FAM227B: variants seen among roughly 807,000 people sequenced by gnomAD.
FAM227B encodes the protein protein FAM227B.
FAM227B carries 88 observed loss-of-function variants against 73.8 expected under a neutral mutation model. The observed-to-expected ratio is 1.19, with a 90% CI of 1.00 to 1.42. The LOEUF (loss-of-function observed/expected upper bound fraction) is 1.42, where lower values mean the gene tolerates loss of function less well. Among genes scored for constraint, FAM227B ranks in the 40% most tolerant of loss-of-function variants. The probability of loss-of-function intolerance (pLI) is 0.00; values close to 1 mark genes in which losing one functional copy is unlikely to be tolerated. For synonymous variants in FAM227B, 210 were observed against 190.5 expected, an observed-to-expected ratio of 1.10 and a Z score of -0.84; for missense variants, 632 against 590.9, an observed-to-expected ratio of 1.07 and a Z score of -0.72.
At chr15:49,430,648 T>C (rs2050526634) in intron 11 of FAM227B, among the ~76,000 whole-genome samples, 1 of 151,866 alleles carries the variant, frequency 6.6e-6, no homozygotes, top group Admixed American at 6.6e-5. Flanking sequence ...TGTCATTCCA[T>C]GGTGGAAGGT....
chr15:49,503,483 C>A (rs1405930599), intron 11 of FAM227B, among the ~76,000 whole-genome samples: 1 of 152,166 alleles, frequency 6.6e-6, no homozygotes, highest in African/African-American at 2.4e-5. Flanking sequence ...TCACAGTGAA[C>A]AGGCAACCTA....
In FAM227B at chr15:49,336,055, G is replaced by C. The variant is rs530114651; in HGVS notation, c.1272-559C>G. 6.4e-4 allele frequency among the ~76,000 whole-genome samples: 98 copies of C among 152,228 alleles called. 1 individual carries two copies. Among genetic ancestry groups the C allele is most frequent in the African/African-American group, 2.3e-3 (97 of 41,548 alleles). On this transcript the variant is annotated intron_variant, in intron 13 of 15. Coordinates refer to ENST00000299338, the MANE Select transcript of FAM227B (RefSeq NM_152647.3). ...ACTCCTGGGCTCTAGCAATCCTCCT[G>C]CCTTGGCCTCCCAAAGTATTGGGAT...
Position 49,396,409 on chromosome 15 carries a change from G to C in FAM227B, c.1013-25010C>G, listed in dbSNP as rs1054965563. The C allele has an allele frequency of 5.0e-4, 102 of 203,940 alleles. 1 individual carries two copies. The highest frequency in any genetic ancestry group is 1.5e-3 in the East Asian group (9 of 5,868). 12.6% of individuals were successfully genotyped at this position (203,940 alleles called of 1,614,324 possible). A position where few individuals can be genotyped will look rare whatever the true frequency, so the allele number is the denominator to read the frequency against. The stretch of plus-strand genomic sequence containing the variant: ...TGAGATCAAACTGCAAGGCGGCAGC[G>C]AGGCTGGGGGAGGGGCGCCCGCCAT... On this transcript the variant is annotated intron_variant, in intron 11 of 15. Coordinates refer to ENST00000299338, the MANE Select transcript of FAM227B (RefSeq NM_152647.3).
intron 13 of FAM227B, among the ~76,000 whole-genome samples, chr15:49,351,029 A>G (rs1250333358): frequency 6.6e-6 from 1 of 152,194 alleles, no homozygotes; most frequent in Non-Finnish European, 1.5e-5. Context: ...GCCAGTGCAT[A>G]ACCTACTCAA....
chr15:49,526,985 T>C (rs1042227757), intron 10 of FAM227B, among the ~76,000 whole-genome samples: 5 of 151,922 alleles, frequency 3.3e-5, no homozygotes, highest in African/African-American at 7.2e-5. Flanking sequence ...TTCAATCTTA[T>C]TGAAACTACT....
intron 7 of FAM227B, 74 bp downstream of exon 7, chr15:49,576,667 C>A: frequency 1.1e-6 from 1 of 878,554 alleles, no homozygotes; most frequent in East Asian, 2.6e-5. Context: ...TTTATCATAG[C>A]TTTAAGTAAA....
At chr15:49,558,120 CCTAAT>C (rs1555540846) in intron 9 of FAM227B, among the ~76,000 whole-genome samples, 1 of 151,724 alleles carries the variant, frequency 6.6e-6, no homozygotes, top group Non-Finnish European at 1.5e-5. Flanking sequence ...GCTCCTAATG[CCTAAT>C]GCCCCAACTT....
At chr15:49,558,501 T>C (rs973096760) in intron 9 of FAM227B, among the ~76,000 whole-genome samples, 11 of 152,156 alleles carry the variant, frequency 7.2e-5, no homozygotes, top group Non-Finnish European at 1.6e-4. Flanking sequence ...ATAGCCACCC[T>C]TACCCTACTT....
intron 11 of FAM227B, among the ~76,000 whole-genome samples, chr15:49,432,536 G>A (rs1025798545): frequency 1.5e-4 from 22 of 151,604 alleles, no homozygotes; most frequent in African/African-American, 5.1e-4. Context: ...TGGTTTGGGT[G>A]GAATATTTAA....
intron 13 of FAM227B, among the ~76,000 whole-genome samples, chr15:49,344,980 T>C (rs1159977682): frequency 6.6e-6 from 1 of 152,222 alleles, no homozygotes; most frequent in African/African-American, 2.4e-5. Flanking sequence ...AAAGTATAAA[T>C]GGTGTTGAGC....
At chr15:49,426,634 G>C (rs2050154483) in intron 11 of FAM227B, among the ~76,000 whole-genome samples, 1 of 151,768 alleles carries the variant, frequency 6.6e-6, no homozygotes. Context: ...TTATTTTATA[G>C]TTTGAAATAC....
chr15:49,497,651 T>C (rs2057744329), intron 11 of FAM227B, among the ~76,000 whole-genome samples: 1 of 152,214 alleles, frequency 6.6e-6, no homozygotes, highest in Non-Finnish European at 1.5e-5. Flanking sequence ...ACTTCTTTCT[T>C]AAGTAGATTT....
At chr15:49,367,238 T>C (rs1465876579) in intron 13 of FAM227B, among the ~76,000 whole-genome samples, 1 of 152,192 alleles carries the variant, frequency 6.6e-6, no homozygotes, top group Non-Finnish European at 1.5e-5. Context: ...GTTTGTTTTA[T>C]TTTTCTTACA....
In FAM227B at chr15:49,375,512, T is replaced by TA. The variant is rs554242441; in HGVS notation, c.1013-4114_1013-4113insT. Reference sequence around the variant, plus strand: ...ATTTTTAAAGCATTTCTATTTTTTTTTATAAGAACCAAAGTGACAAGTATC... The same window carrying TA: ...ATTTTTAAAGCATTTCTATTTTTTTTATATAAGAACCAAAGTGACAAGTATC... On this transcript the variant is annotated intron_variant, in intron 11 of 15. Coordinates refer to ENST00000299338, the MANE Select transcript of FAM227B (RefSeq NM_152647.3). Among the ~76,000 whole-genome samples, 69 of 152,066 alleles carry TA rather than the reference T, an allele frequency of 4.5e-4. 1 individual carries two copies. In the South Asian group the frequency reaches 0.014, roughly 31 times the overall value.
chr15:49,356,147 T>G (rs915492942), intron 13 of FAM227B, among the ~76,000 whole-genome samples: 2 of 151,956 alleles, frequency 1.3e-5, no homozygotes, highest in African/African-American at 2.4e-5. Context: ...TGCCAAAATG[T>G]AAAGACCATC....
chr15:49,445,145 G>A (rs891382989), intron 11 of FAM227B, among the ~76,000 whole-genome samples: 1 of 151,452 alleles, frequency 6.6e-6, no homozygotes, highest in Non-Finnish European at 1.5e-5. Flanking sequence ...TTTAGATTCA[G>A]GGAGTACATG....
At chr15:49,496,631 T>C (rs918583544) in intron 11 of FAM227B, among the ~76,000 whole-genome samples, 1 of 152,190 alleles carries the variant, frequency 6.6e-6, no homozygotes, top group Non-Finnish European at 1.5e-5. Context: ...AACTATCCAC[T>C]GTGTGTTTAT....
intron 11 of FAM227B, chr15:49,422,731 TA>T: frequency 7.8e-7 from 1 of 1,287,776 alleles, no homozygotes; most frequent in Non-Finnish European, 1.1e-6. Flanking sequence ...ATATAATACA[TA>T]AAAATTGTAC....
chr15:49,606,869 C>T (rs1186550839), intron 3 of FAM227B, among the ~76,000 whole-genome samples: 1 of 152,200 alleles, frequency 6.6e-6, no homozygotes, highest in Non-Finnish European at 1.5e-5. Context: ...GGAACCACAA[C>T]ATTAATATTT....
Sources: allele counts gnomAD v4.1 joint callset (sites outside exome capture counted in the v4.1 genomes callset), GRCh38; gene constraint gnomAD v4.1.1; transcripts MANE v1.5; gene names NCBI Gene and HGNC (gene_info 2026-07-23, HGNC 2026-07-21).